The following GNA14 variants were observed in gnomAD, a reference collection of about 807,000 sequenced individuals.
The protein encoded by GNA14 is guanine nucleotide-binding protein subunit alpha-14.
A neutral mutation model predicts 42.0 loss-of-function variants in GNA14; 50 were observed. The ratio of observed to expected loss-of-function variants is 1.19; its 90% CI spans 0.95 to 1.51. The LOEUF (loss-of-function observed/expected upper bound fraction) is 1.51. GNA14 is among the 40% of genes most tolerant of loss of function. The probability of loss-of-function intolerance (pLI) is 0.00; values close to 1 mark genes in which losing one functional copy is unlikely to be tolerated. For synonymous variants in GNA14, 173 were observed against 163.1 expected (o/e 1.06, Z -0.46); for missense variants, 473 against 446.2 (o/e 1.06, Z -0.54).
At chr9:77,504,431 T>C (rs978773851) in intron 2 of GNA14, among the ~76,000 whole-genome samples, 1 of 151,520 alleles carries the variant, frequency 6.6e-6, no homozygotes, top group Non-Finnish European at 1.5e-5. Context: ...AAGCCAGAAA[T>C]GTTTGAAGAA....
At chr9:77,537,492 C>G (rs1030550490) in intron 1 of GNA14, among the ~76,000 whole-genome samples, 3 of 152,202 alleles carry the variant, frequency 2.0e-5, no homozygotes, top group African/African-American at 7.2e-5. Context: ...TCAATGGACA[C>G]TTAGGTTGAT....
rs34429720 is a variant in GNA14 at position 77,472,788 on chromosome 9, ATCTCTC to A, written c.310-38272_310-38267del. Among the ~76,000 whole-genome samples, 991 of 142,094 alleles carry A rather than the reference ATCTCTC, an allele frequency of 7.0e-3. 13 individuals carry two copies. The highest frequency in any genetic ancestry group is 0.024 in the African/African-American group (911 of 38,200). The allele number at this position is 142,094 out of a possible 152,430, so 93.2% of individuals were successfully genotyped here. ...TTATAAGAGGAAGAGACATGACATG[ATCTCTC>A]TCTCTCTCTCTCTCTCTCTCTCTCC... On this transcript the variant is annotated intron_variant, in intron 2 of 6. Transcript: ENST00000341700.
chr9:77,461,573 G>A (rs936384373), intron 2 of GNA14, among the ~76,000 whole-genome samples: 1 of 152,072 alleles, frequency 6.6e-6, no homozygotes. Context: ...TTATCAGAAG[G>A]GGTAAATGAC....
chr9:77,510,634 G>A (rs1334445624), intron 2 of GNA14, among the ~76,000 whole-genome samples: 1 of 152,206 alleles, frequency 6.6e-6, no homozygotes, highest in Non-Finnish European at 1.5e-5. Flanking sequence ...TGGGTACTGT[G>A]GCAGTTAGGT....
intron 2 of GNA14, among the ~76,000 whole-genome samples, chr9:77,523,288 G>A (rs1056754023): frequency 3.3e-5 from 5 of 152,146 alleles, no homozygotes; most frequent in African/African-American, 4.8e-5. Context: ...GCATCTGCTC[G>A]GCTTCTGGGG....
intron 1 of GNA14, among the ~76,000 whole-genome samples, chr9:77,565,326 TA>T (rs1428233010): frequency 1.3e-5 from 2 of 152,204 alleles, no homozygotes; most frequent in Non-Finnish European, 2.9e-5. Context: ...AACTTAATAC[TA>T]GGGGGAAAAT....
chr9:77,574,918 T>C (rs1823106495), intron 1 of GNA14, among the ~76,000 whole-genome samples: 1 of 152,188 alleles, frequency 6.6e-6, no homozygotes, highest in Non-Finnish European at 1.5e-5. Context: ...GTGGGAAAAC[T>C]TGGCGAGCAC....
intron 1 of GNA14, among the ~76,000 whole-genome samples, chr9:77,537,388 A>G (rs1837610974): frequency 6.6e-6 from 1 of 152,090 alleles, no homozygotes; most frequent in African/African-American, 2.4e-5. Context: ...ATTTACATCC[A>G]TGTTGCTGCA....
intron 1 of GNA14, among the ~76,000 whole-genome samples, chr9:77,544,432 G>C (rs1837695218): frequency 6.6e-6 from 1 of 152,092 alleles, no homozygotes; most frequent in African/African-American, 2.4e-5. Flanking sequence ...GTTGGGCATG[G>C]TGTCTCACGC....
intron 1 of GNA14, among the ~76,000 whole-genome samples, chr9:77,646,034 CAG>C (rs1824345861): frequency 6.6e-6 from 1 of 152,226 alleles, no homozygotes; most frequent in African/African-American, 2.4e-5. Context: ...AGCTTTATAA[CAG>C]CCTAGAAGGC....
chr9:77,530,792 T>TG (rs536837604), intron 1 of GNA14, among the ~76,000 whole-genome samples: 230 of 152,328 alleles, frequency 1.5e-3, no homozygotes, highest in Non-Finnish European at 2.6e-3. Flanking sequence ...AACCCCCAGA[T>TG]GGGGGAGTGT....
intron 1 of GNA14, among the ~76,000 whole-genome samples, chr9:77,586,689 G>A (rs1312146404): frequency 6.6e-6 from 1 of 152,176 alleles, no homozygotes; most frequent in African/African-American, 2.4e-5. Flanking sequence ...GATTTACATA[G>A]GGCCCAAAAA....
At chr9:77,522,129 C>T (rs10869933) in intron 2 of GNA14, among the ~76,000 whole-genome samples, 1 of 152,070 alleles carries the variant, frequency 6.6e-6, no homozygotes, top group Non-Finnish European at 1.5e-5. Context: ...GGCCCATATG[C>T]TATTTTTATT....
chr9:77,488,955 G>A (rs1836708112), intron 2 of GNA14, among the ~76,000 whole-genome samples: 1 of 152,064 alleles, frequency 6.6e-6, no homozygotes, highest in Non-Finnish European at 1.5e-5. Context: ...TGACCCTAAT[G>A]AGATGGCAAT....
intron 2 of GNA14, among the ~76,000 whole-genome samples, chr9:77,498,776 G>A (rs369286657): frequency 4.3e-4 from 65 of 152,114 alleles, no homozygotes; most frequent in African/African-American, 1.4e-3. Context: ...GACCATTTTC[G>A]GAGCCACCGA....
chr9:77,432,992 G>C (rs1294925596), intron 3 of GNA14, among the ~76,000 whole-genome samples: 1 of 152,132 alleles, frequency 6.6e-6, no homozygotes, highest in East Asian at 1.9e-4. Flanking sequence ...GTATTTTCCT[G>C]CCTTGATGCT....
At chr9:77,432,081 T>C (rs1466286519) in intron 3 of GNA14, among the ~76,000 whole-genome samples, 3 of 151,588 alleles carry the variant, frequency 2.0e-5, no homozygotes. Flanking sequence ...ATATTTTTTT[T>C]TTCTGTAGTA....
Position 77,431,465 on chromosome 9 carries a change from C to T in GNA14, c.465-16G>A, listed in dbSNP as rs563731081. 40 of 1,588,828 alleles carry T rather than the reference C, an allele frequency of 2.5e-5. No homozygotes were observed. Among genetic ancestry groups the T allele is most frequent in the South Asian group, 2.3e-4 (20 of 88,046 alleles). ...AGTCAGGTAACTGTATATTAGAGAA[C>T]GAGGAACTGACTCTCCTTTTAGAGC... On this transcript the variant is annotated splice_polypyrimidine_tract_variant and intron_variant, in intron 3 of 6. Transcript: ENST00000341700.
chr9:77,647,150 A>C (rs571952690), intron 1 of GNA14, among the ~76,000 whole-genome samples: 1 of 152,310 alleles, frequency 6.6e-6, no homozygotes, highest in East Asian at 1.9e-4. Context: ...TCAGTTCTCC[A>C]GGCCTCCATG....
Sources: gnomAD v4.1 joint callset for allele counts (sites outside exome capture counted in the v4.1 genomes callset) on GRCh38, gnomAD v4.1.1 for gene constraint, MANE v1.5 for transcripts, NCBI Gene and HGNC (gene_info 2026-07-23, HGNC 2026-07-21) for gene names.